Variants in BCKDHB observed in about 807,000 individuals in gnomAD.
BCKDHB encodes the protein 2-oxoisovalerate dehydrogenase subunit beta, mitochondrial.
A neutral mutation model predicts 48.5 loss-of-function variants in BCKDHB; 41 were observed. That is an observed-to-expected ratio of 0.85 (90% confidence interval 0.66 to 1.10). The LOEUF (loss-of-function observed/expected upper bound fraction) is 1.10, where lower values mean the gene tolerates loss of function less well. Ranked by LOEUF, BCKDHB falls within the 50% of genes least tolerant of loss-of-function variation. The pLI, the probability that BCKDHB is intolerant of heterozygous loss-of-function variation, is 0.00. For synonymous variants in BCKDHB, 201 were observed against 174.8 expected (o/e 1.15, Z -1.18); for missense variants, 496 against 494.2 (o/e 1.00, Z -0.03).
At chr6:80,209,995 T>A (rs1774842466) in intron 8 of BCKDHB, among the ~76,000 whole-genome samples, 1 of 151,980 alleles carries the variant, frequency 6.6e-6, no homozygotes, top group Non-Finnish European at 1.5e-5. Flanking sequence ...TTGGCAATAA[T>A]GTGGAGCAAT....
intron 9 of BCKDHB, among the ~76,000 whole-genome samples, chr6:80,280,031 A>G (rs896087328): frequency 6.6e-6 from 1 of 152,196 alleles, no homozygotes. Flanking sequence ...AGGATTTGCT[A>G]TTGAAGGAAT....
intron 7 of BCKDHB, among the ~76,000 whole-genome samples, chr6:80,202,404 A>G (rs1774439302): frequency 6.6e-6 from 1 of 152,100 alleles, no homozygotes; most frequent in Non-Finnish European, 1.5e-5. Context: ...AAATACGATT[A>G]TGTCTCCCTC....
chr6:80,465,063 AGT>A, the BCKDHB span, among the ~76,000 whole-genome samples: 1 of 152,094 alleles, frequency 6.6e-6, no homozygotes, highest in African/African-American at 2.4e-5. Flanking sequence ...AGCACCAGAG[AGT>A]GTTAACTACC....
At chr6:80,419,318 A>C in the BCKDHB span, among the ~76,000 whole-genome samples, 6 of 152,102 alleles carry the variant, frequency 3.9e-5, no homozygotes, top group Non-Finnish European at 8.8e-5. Context: ...AGCATAATTC[A>C]CCAGCACAGA....
chr6:80,152,987 G>T (rs758973328), intron 3 of BCKDHB, among the ~76,000 whole-genome samples: 22 of 152,176 alleles, frequency 1.4e-4, no homozygotes, highest in Non-Finnish European at 3.2e-4. Flanking sequence ...TCCAAGCAGT[G>T]CTTGGAGGGC....
chr6:80,424,937 G>A, the BCKDHB span, among the ~76,000 whole-genome samples: 5 of 152,136 alleles, frequency 3.3e-5, no homozygotes, highest in African/African-American at 1.2e-4. Flanking sequence ...TAGTCTTTCT[G>A]GCTTTGAAGC....
chr6:80,390,347 G>A, the BCKDHB span, among the ~76,000 whole-genome samples: 3 of 152,058 alleles, frequency 2.0e-5, no homozygotes, highest in Admixed American at 6.6e-5. Context: ...GACCTACTGA[G>A]GTGCTTGCTG....
At chr6:80,253,002 A>G (rs777871959) in intron 8 of BCKDHB, among the ~76,000 whole-genome samples, 1 of 152,164 alleles carries the variant, frequency 6.6e-6, no homozygotes, top group African/African-American at 2.4e-5. Context: ...TATCTTTTAC[A>G]TTGTTTTCCT....
intron 9 of BCKDHB, among the ~76,000 whole-genome samples, chr6:80,281,955 G>A (rs1193614658): frequency 6.6e-6 from 1 of 151,948 alleles, no homozygotes; most frequent in Non-Finnish European, 1.5e-5. Flanking sequence ...AAAATTAAAA[G>A]GCAGCAGACT....
At chr6:80,147,495 G>A (rs1771544823) in intron 3 of BCKDHB, among the ~76,000 whole-genome samples, 1 of 151,998 alleles carries the variant, frequency 6.6e-6, no homozygotes, top group African/African-American at 2.4e-5. Context: ...GTTTAAAAAA[G>A]GTTCATACAT....
At chr6:80,138,858 G>C (rs1388595235) in intron 3 of BCKDHB, among the ~76,000 whole-genome samples, 2 of 152,184 alleles carry the variant, frequency 1.3e-5, no homozygotes, top group Non-Finnish European at 2.9e-5. Flanking sequence ...TCTAGTTCTA[G>C]ATCCCTGAGG....
intron 1 of BCKDHB, among the ~76,000 whole-genome samples, chr6:80,126,431 A>G (rs904224754): frequency 1.3e-5 from 2 of 152,170 alleles, no homozygotes; most frequent in African/African-American, 2.4e-5. Context: ...AGTTGAAGGC[A>G]ACAGCAGTAG....
intron 6 of BCKDHB, among the ~76,000 whole-genome samples, chr6:80,183,655 C>T (rs951858476): frequency 1.3e-5 from 2 of 152,142 alleles, no homozygotes; most frequent in African/African-American, 4.8e-5. Flanking sequence ...GTTGTACCTT[C>T]TGTGGGTTGT....
intron 9 of BCKDHB, among the ~76,000 whole-genome samples, chr6:80,311,001 T>G: frequency 6.6e-6 from 1 of 152,174 alleles, no homozygotes. Flanking sequence ...GATATTAGAC[T>G]TTTTTCAGAT....
At chr6:80,386,412 G>A in the BCKDHB span, among the ~76,000 whole-genome samples, 10 of 151,240 alleles carry the variant, frequency 6.6e-5, no homozygotes, top group Non-Finnish European at 1.3e-4. Context: ...TTCTTTGCAG[G>A]AATATAGATG....
chr6:80,151,568 ATAGT>A (rs1343984541), intron 3 of BCKDHB, among the ~76,000 whole-genome samples: 9 of 152,114 alleles, frequency 5.9e-5, no homozygotes, highest in Admixed American at 5.2e-4. Context: ...AATATCAGAT[ATAGT>A]TAGTGAATAT....
chr6:80,169,211 C>G (rs191283137), intron 5 of BCKDHB, among the ~76,000 whole-genome samples, 181 bp downstream of exon 5: 11 of 152,262 alleles, frequency 7.2e-5, no homozygotes, highest in Admixed American at 5.2e-4. Flanking sequence ...ATCCAATGCC[C>G]AGTTTTACAG....
At chr6:80,142,064 C>G (rs924940502) in intron 3 of BCKDHB, among the ~76,000 whole-genome samples, 2 of 151,970 alleles carry the variant, frequency 1.3e-5, no homozygotes, top group African/African-American at 4.8e-5. Context: ...CACATCAAGA[C>G]CAGTGAATTT....
rs1332095038 is a variant in BCKDHB, at chr6:80,171,276, T to C, written c.634-6T>C. On this transcript the variant is annotated splice_polypyrimidine_tract_variant and splice_region_variant and intron_variant, in intron 5 of 9. Transcript: ENST00000320393. ...AAAATTGTCTTAAAAAAATCTGTTT[T>C]TGCAGGTGGTTATACCCAGAAGCCC... 1 of 1,588,314 alleles carries C rather than the reference T, an allele frequency of 6.3e-7. No homozygotes were observed. Among genetic ancestry groups the C allele is most frequent in the Admixed American group, 1.7e-5 (1 of 59,744 alleles).
Sources: gnomAD v4.1 joint callset for allele counts (sites outside exome capture counted in the v4.1 genomes callset) on GRCh38, gnomAD v4.1.1 for gene constraint, MANE v1.5 for transcripts, NCBI Gene and HGNC (gene_info 2026-07-23, HGNC 2026-07-21) for gene names.